SSPN: variants seen among roughly 807,000 people sequenced by gnomAD.
SSPN encodes the protein sarcospan, also known as K-ras oncogene-associated protein.
SSPN carries 15 observed loss-of-function variants against 19.1 expected under a neutral mutation model. That is an observed-to-expected ratio of 0.78 (90% CI 0.52 to 1.21). SSPN has a LOEUF of 1.21. SSPN is among the 50% of genes most tolerant of loss of function. The pLI is 0.00. For missense variants in SSPN, 291 were observed against 314.0 expected (o/e 0.93, Z 0.55); for synonymous variants, 147 against 140.3 (o/e 1.05, Z -0.34).
At chr12:26,177,216 T>C (rs909692731) in intron 1 of SSPN, among the ~76,000 whole-genome samples, 1 of 152,310 alleles carries the variant, frequency 6.6e-6, no homozygotes, top group Middle Eastern at 3.4e-3. Context: ...AGGCTACTAT[T>C]ATATTATTAT....
chr12:26,148,773 T>C (rs1005637783), intron 1 of SSPN, among the ~76,000 whole-genome samples: 41 of 152,126 alleles, frequency 2.7e-4, no homozygotes, highest in African/African-American at 8.9e-4. Flanking sequence ...CATTCAGAAA[T>C]GTCTTGAAAA....
At chr12:26,123,357 G>A (rs1944332345) in intron 1 of SSPN, among the ~76,000 whole-genome samples, 1 of 152,192 alleles carries the variant, frequency 6.6e-6, no homozygotes, top group African/African-American at 2.4e-5. Context: ...GCGGAGCGGG[G>A]AGAGGGCGCT....
At chr12:26,180,554 C>A (rs909219092) in intron 1 of SSPN, 1 of 152,168 alleles carries the variant, frequency 6.6e-6, no homozygotes, top group Non-Finnish European at 1.5e-5. Flanking sequence ...TCGATTTCTC[C>A]CCCTTAACTG....
chr12:26,153,532 C>CT (rs1340309531), intron 1 of SSPN, among the ~76,000 whole-genome samples: 1 of 152,138 alleles, frequency 6.6e-6, no homozygotes, highest in Non-Finnish European at 1.5e-5. Context: ...CTGCCACACA[C>CT]TAAGTACTTA....
chr12:26,163,032 C>CGTGTGTGT (rs138827156), intron 1 of SSPN, among the ~76,000 whole-genome samples: 51,544 of 145,826 alleles, frequency 0.35, 10,797 homozygotes, highest in Admixed American at 0.52. Context: ...TGCTTCAAGA[C>CGTGTGTGT]GTGTGTGTGT....
chr12:26,169,829 G>A, intron 1 of SSPN, among the ~76,000 whole-genome samples: 1 of 152,156 alleles, frequency 6.6e-6, no homozygotes, highest in Non-Finnish European at 1.5e-5. Flanking sequence ...GAAATATTTA[G>A]GTAGTTATGT....
intron 1 of SSPN, among the ~76,000 whole-genome samples, chr12:26,131,742 G>A (rs1345843833): frequency 6.6e-6 from 1 of 152,206 alleles, no homozygotes; most frequent in Non-Finnish European, 1.5e-5. Context: ...ACTATGGACA[G>A]GTATTAAGGC....
At chr12:26,195,417 G>T (rs1394908696), upstream of SSPN, 3 of 519,564 alleles carry the variant, frequency 5.8e-6, no homozygotes, top group Non-Finnish European at 8.7e-6. Context: ...TTCCGCGGGC[G>T]ACCTGCAAAT....
intron 1 of SSPN, chr12:26,126,127 A>T (rs548339712): frequency 6.6e-6 from 1 of 152,412 alleles, no homozygotes; most frequent in Admixed American, 6.5e-5. Flanking sequence ...CTCGCCCTGC[A>T]GCCGCGGCGC....
chr12:26,167,980 G>A (rs1944631307), intron 1 of SSPN, among the ~76,000 whole-genome samples: 1 of 152,196 alleles, frequency 6.6e-6, no homozygotes, highest in Admixed American at 6.5e-5. Context: ...TTGGGAGGCT[G>A]AGGTGGGAGG....
intron 1 of SSPN, among the ~76,000 whole-genome samples, chr12:26,204,200 C>G (rs542236298): frequency 6.6e-6 from 1 of 151,990 alleles, no homozygotes; most frequent in African/African-American, 2.4e-5. Context: ...TGAGTGTTTC[C>G]GAGGGGTATT....
At chr12:26,184,984 T>C (rs1231454269) in intron 1 of SSPN, among the ~76,000 whole-genome samples, 1 of 152,190 alleles carries the variant, frequency 6.6e-6, no homozygotes, top group Non-Finnish European at 1.5e-5. Context: ...ATATCCTTCC[T>C]TTTCTTCTCT....
chr12:26,187,131 G>C (rs1310282313), intron 1 of SSPN, among the ~76,000 whole-genome samples: 1 of 152,220 alleles, frequency 6.6e-6, no homozygotes, highest in Non-Finnish European at 1.5e-5. Flanking sequence ...CTAGTGGAAG[G>C]GTTCTGATTC....
At chr12:26,140,071 G>C (rs757839142) in intron 1 of SSPN, among the ~76,000 whole-genome samples, 1 of 152,032 alleles carries the variant, frequency 6.6e-6, no homozygotes, top group Non-Finnish European at 1.5e-5. Context: ...TTCCATCTCT[G>C]CTTTTCTACT....
At chr12:26,145,058 A>C (rs1944481982) in intron 1 of SSPN, among the ~76,000 whole-genome samples, 1 of 152,210 alleles carries the variant, frequency 6.6e-6, no homozygotes, top group Admixed American at 6.5e-5. Flanking sequence ...CATTAGCTGA[A>C]GCAGTGAGAG....
intron 1 of SSPN, among the ~76,000 whole-genome samples, chr12:26,137,634 A>ATATG (rs1944433567): frequency 2.4e-5 from 1 of 42,176 alleles, no homozygotes; most frequent in Non-Finnish European, 4.4e-5. Context: ...GTGTGTGTGT[A>ATATG]TGTATATATA....
At chr12:26,194,068 C>T (rs996008656), upstream of SSPN, among the ~76,000 whole-genome samples, 1 of 152,152 alleles carries the variant, frequency 6.6e-6, no homozygotes, top group Non-Finnish European at 1.5e-5. Flanking sequence ...ATCTTGGCAA[C>T]ATCACTTATT....
chr12:26,162,153 T>TC (rs1343509979), intron 1 of SSPN, among the ~76,000 whole-genome samples: 1 of 152,214 alleles, frequency 6.6e-6, no homozygotes, highest in Non-Finnish European at 1.5e-5. Flanking sequence ...TTTGGTCAAC[T>TC]CCTCATTTAT....
Position 26,195,791 on chromosome 12 carries a change from G to T in SSPN, c.119G>T (p.Gly40Val). ...GGCACGGGGGCCCCCAAGGAGTGCG[G>T]GGAGGAGGAGCCCCGGACCTGCTGC... ...KKGTGAPKECGEEEPRTCCGC... is the reference protein window; with the variant it reads ...KKGTGAPKECVEEEPRTCCGC... Residue 40 changes from glycine (G) to valine (V), a missense_variant, in exon 1 of 3, where the codon GGG becomes GTG. By Grantham distance (109) the Gly-to-Val change is moderately radical (BLOSUM62 -3). Transcript: ENST00000242729. The T allele has an allele frequency of 1.3e-6, 2 of 1,527,444 alleles. No individual in the cohort carries two copies. Among genetic ancestry groups the T allele is most frequent in the East Asian group, 2.6e-5 (1 of 38,778 alleles). 94.6% of individuals were successfully genotyped at this position (1,527,444 alleles called of 1,614,324 possible).
Sources: gnomAD v4.1 joint callset for allele counts (sites outside exome capture counted in the v4.1 genomes callset) on GRCh38, gnomAD v4.1.1 for gene constraint, MANE v1.5 for transcripts, NCBI Gene and HGNC (gene_info 2026-07-23, HGNC 2026-07-21) for gene names.